Variants in KDM5B observed in about 807,000 individuals in gnomAD.
KDM5B encodes the protein lysine-specific demethylase 5B.
A neutral mutation model predicts 193.4 loss-of-function variants in KDM5B; 144 were observed. The ratio of observed to expected loss-of-function variants is 0.74; its 90% confidence interval spans 0.65 to 0.86. The LOEUF (loss-of-function observed/expected upper bound fraction) is 0.86. Ranked by LOEUF, KDM5B falls within the 40% of genes least tolerant of loss-of-function variation. KDM5B has a pLI of 0.00. For synonymous variants in KDM5B, 668 were observed against 682.6 expected, an observed-to-expected ratio of 0.98 and a Z score of 0.33; for missense variants, 1,833 against 1,886.9, an observed-to-expected ratio of 0.97 and a Z score of 0.53.
chr1:202,768,042 CTAAAG>C (rs1656548304), intron 4 of KDM5B, among the ~76,000 whole-genome samples: 1 of 152,148 alleles, frequency 6.6e-6, no homozygotes, highest in Admixed American at 6.6e-5. Flanking sequence ...GGTCATTTGA[CTAAAG>C]TAGTCTTCCT....
intron 1 of KDM5B, among the ~76,000 whole-genome samples, chr1:202,779,761 C>T (rs771933527): frequency 1.9e-4 from 28 of 151,024 alleles, no homozygotes; most frequent in Admixed American, 8.6e-4. Context: ...CAAGATCATG[C>T]CTTTGCACTC....
At chr1:202,783,325 G>C (rs1437750848) in intron 1 of KDM5B, among the ~76,000 whole-genome samples, 1 of 151,328 alleles carries the variant, frequency 6.6e-6, no homozygotes, top group Non-Finnish European at 1.5e-5. Flanking sequence ...GAAACATATT[G>C]AGGCTCTGTC....
chr1:202,737,230 C>T (rs1472274158), intron 20 of KDM5B, among the ~76,000 whole-genome samples: 1 of 152,152 alleles, frequency 6.6e-6, no homozygotes, highest in African/African-American at 2.4e-5. Context: ...GTTGAGACAG[C>T]CCAGTGGTTC....
intron 14 of KDM5B, among the ~76,000 whole-genome samples, chr1:202,748,026 T>C (rs1655632920): frequency 1.3e-5 from 2 of 152,036 alleles, no homozygotes; most frequent in African/African-American, 4.8e-5. Context: ...AAAGCTACAA[T>C]AATCAAGACC....
chr1:202,744,680 C>T (rs977091072), intron 16 of KDM5B, among the ~76,000 whole-genome samples: 30 of 152,136 alleles, frequency 2.0e-4, no homozygotes, highest in Non-Finnish European at 3.5e-4. Context: ...GAAAAGGGAA[C>T]GCATATACAC....
intron 16 of KDM5B, among the ~76,000 whole-genome samples, chr1:202,743,015 G>T (rs1655409783): frequency 1.3e-5 from 2 of 152,074 alleles, no homozygotes; most frequent in South Asian, 4.1e-4. Context: ...GCCTAGAGTT[G>T]AACTTAAATA....
chr1:202,785,285 T>C (rs1410835304), intron 1 of KDM5B, among the ~76,000 whole-genome samples: 3 of 152,204 alleles, frequency 2.0e-5, no homozygotes, highest in Admixed American at 1.3e-4. Context: ...CATTTTATCA[T>C]AGCCACTTTA....
chr1:202,740,901 A>G, intron 19 of KDM5B, 89 bp from the exon 20 acceptor site: 1 of 1,320,048 alleles, frequency 7.6e-7, no homozygotes, highest in South Asian at 1.4e-5. Flanking sequence ...TTCAAAGGAA[A>G]TTCAGTATGG....
At chr1:202,743,382 A>G (rs966250690) in intron 16 of KDM5B, among the ~76,000 whole-genome samples, 1 of 151,760 alleles carries the variant, frequency 6.6e-6, no homozygotes, top group Non-Finnish European at 1.5e-5. Context: ...CATGTTTAAA[A>G]TAGACAAAAA....
At chr1:202,731,285 A>G (rs775467659) in intron 24 of KDM5B, among the ~76,000 whole-genome samples, 1 of 152,230 alleles carries the variant, frequency 6.6e-6, no homozygotes, top group Non-Finnish European at 1.5e-5. Context: ...GATTACTAGT[A>G]TTAATTATAC....
chr1:202,742,351 G>GATTACCAAAGT, intron 18 of KDM5B, 40 bp downstream of exon 18: 1 of 1,364,590 alleles, frequency 7.3e-7, no homozygotes. Context: ...CAAAATACAG[G>GATTACCAAAGT]ATTACCAAAG....
At chr1:202,730,345 C>T (rs1242549411) in intron 25 of KDM5B, among the ~76,000 whole-genome samples, 1 of 152,154 alleles carries the variant, frequency 6.6e-6, no homozygotes, top group East Asian at 1.9e-4. Context: ...TTCCTTTCAC[C>T]AAATCCCTGA....
rs1656101335 is a variant in KDM5B at position 202,758,335 on chromosome 1, C to T, written c.1197+56G>A. 7 of 1,481,674 alleles carry T rather than the reference C, an allele frequency of 4.7e-6. No homozygotes were observed. In the South Asian group the frequency reaches 8.3e-5, roughly 18 times the overall value. 91.8% of individuals were successfully genotyped at this position (1,481,674 alleles called of 1,614,324 possible). A position where few individuals can be genotyped will look rare whatever the true frequency, so the allele number is the denominator to read the frequency against. ...TCAACTAAAAATGGGTCTTCAGGTA[C>T]ACTTTTCTCCAAAAGCTATTAAAAT... On this transcript the variant is annotated intron_variant, in intron 9 of 26. Transcript: ENST00000367265.
rs766249832 is a variant in KDM5B at position 202,736,313 on chromosome 1, G to A, written c.3164C>T (p.Ser1055Phe). 1.1e-5 allele frequency: 18 copies of A among 1,612,864 alleles called. No homozygotes were observed. The highest frequency in any genetic ancestry group is 1.5e-5 in the Non-Finnish European group (18 of 1,179,392). The change falls in exon 21 of 27, where the codon TCT becomes TTT. Residue 1055 changes from serine (S) to phenylalanine (F), a missense_variant. Physicochemically the swap from Ser to Phe is radical, Grantham distance 155 (BLOSUM62 -2). Around this residue, in one of 3 missense-constraint regions of KDM5B, gnomAD observed 1,379 missense variants for 1,349.6 expected, o/e 1.02. Transcript: ENST00000367265. ...TACTAGGGTTTCCAGTCTTGGCAAA[G>A]AATTCAGATGTACGGGGATAGATCG... Reference protein sequence around the residue: ...RGRSIPVHLNSLPRLETLVAE... With the variant: ...RGRSIPVHLNFLPRLETLVAE...
intron 16 of KDM5B, among the ~76,000 whole-genome samples, chr1:202,743,702 T>C (rs560273670): frequency 1.3e-5 from 2 of 152,288 alleles, no homozygotes; most frequent in African/African-American, 2.4e-5. Flanking sequence ...CACCTACAAC[T>C]ATCTGATCTT....
chr1:202,724,909 T>G lies in KDM5B; in HGVS notation c.*4127A>C, dbSNP rs1406445233. 6.6e-6 allele frequency: 1 copy of G among 152,228 alleles called. No homozygotes were observed. Among genetic ancestry groups the G allele is most frequent in the Non-Finnish European group, 1.5e-5 (1 of 68,036 alleles). 9.4% of individuals were successfully genotyped at this position (152,228 alleles called of 1,614,324 possible). ...TGTTTAGAGGGGTGCCTTTGGACAT[T>G]TATTTTAAATAGAGAAAATAACTTT... On this transcript the variant is annotated 3_prime_UTR_variant, in exon 27 of 27. Coordinates refer to ENST00000367265, the MANE Select transcript of KDM5B (RefSeq NM_006618.5).
intron 12 of KDM5B, among the ~76,000 whole-genome samples, chr1:202,752,342 G>T (rs1655822002): frequency 6.6e-6 from 1 of 152,152 alleles, no homozygotes; most frequent in African/African-American, 2.4e-5. Flanking sequence ...AGCTATCTAA[G>T]GTATTCAGTA....
At chr1:202,790,339 AG>A (rs1304061135) in intron 1 of KDM5B, among the ~76,000 whole-genome samples, 1 of 152,140 alleles carries the variant, frequency 6.6e-6, no homozygotes, top group African/African-American at 2.4e-5. Flanking sequence ...GCACTTTTGG[AG>A]GCCAACCAAG....
chr1:202,753,664 G>GTTGTTTTTTTTT (rs1553354252), intron 11 of KDM5B, among the ~76,000 whole-genome samples: 1 of 105,786 alleles, frequency 9.5e-6, no homozygotes. Context: ...TGTTGTTGTT[G>GTTGTTTTTTTTT]TTTTTTTTTT....
Sources: allele counts gnomAD v4.1 joint callset (sites outside exome capture counted in the v4.1 genomes callset), GRCh38; gene constraint gnomAD v4.1.1; regional missense constraint gnomAD v4.1.1; transcripts MANE v1.5; gene names NCBI Gene and HGNC (gene_info 2026-07-23, HGNC 2026-07-21).